Variants in CCDC171 observed in about 807,000 individuals in gnomAD.
The protein encoded by CCDC171 is coiled-coil domain-containing protein 171.
CCDC171 carries 177 observed loss-of-function variants against 168.2 expected under a neutral mutation model. The ratio of observed to expected loss-of-function variants is 1.05; its 90% CI spans 0.93 to 1.19. The LOEUF (loss-of-function observed/expected upper bound fraction) is 1.19. Among genes scored for constraint, CCDC171 ranks in the 50% most tolerant of loss-of-function variants. The pLI is 0.00. For synonymous variants in CCDC171, 687 were observed against 540.8 expected, an observed-to-expected ratio of 1.27 and a Z score of -3.75; for missense variants, 1,991 against 1,539.0, an observed-to-expected ratio of 1.29 and a Z score of -4.91.
intron 11 of CCDC171, among the ~76,000 whole-genome samples, chr9:15,696,570 T>A (rs1464425918): frequency 6.6e-6 from 1 of 152,204 alleles, no homozygotes. Flanking sequence ...GCACTGGTAC[T>A]TTTTTATTAT....
intron 24 of CCDC171, among the ~76,000 whole-genome samples, chr9:15,884,606 G>C (rs1390350352): frequency 1.3e-5 from 2 of 152,056 alleles, no homozygotes; most frequent in Non-Finnish European, 2.9e-5. Flanking sequence ...GGTAGTATTA[G>C]AAAAAGCTTG....
Position 15,603,045 on chromosome 9 carries a change from G to T in CCDC171, c.675+8873G>T, listed in dbSNP as rs535693686. Among the ~76,000 whole-genome samples, 12 of 151,750 alleles carry T rather than the reference G, an allele frequency of 7.9e-5. No individual in the cohort carries two copies. The East Asian group carries it at 2.3e-3, about 30-fold the overall frequency. ...CACCCAGATTGGAGTGCAGTGGCGC[G>T]ATCTTGGCTCACTGCAACCTCCACC... is the stretch of plus-strand genomic sequence containing the variant. On this transcript the variant is annotated intron_variant, in intron 6 of 25. Coordinates refer to ENST00000380701, the MANE Select transcript of CCDC171 (RefSeq NM_173550.4).
intron 24 of CCDC171, 82 bp from the exon 25 acceptor site, chr9:15,920,188 G>A (rs1260103344): frequency 7.4e-6 from 6 of 809,912 alleles, no homozygotes; most frequent in Non-Finnish European, 1.1e-5. Flanking sequence ...AAATTTTAAT[G>A]GTTTTGCTTT....
chr9:15,958,516 G>GTATTATATTATATTATATTA (rs59603926), intron 25 of CCDC171, among the ~76,000 whole-genome samples: 2,473 of 136,604 alleles, frequency 0.018, 56 homozygotes, highest in African/African-American at 0.043. Flanking sequence ...CGGAGGTGAG[G>GTATTATATTATATTATATTA]TATTATATTA....
chr9:16,029,591 A>C (rs1467983309), intron 6 of CCDC171, among the ~76,000 whole-genome samples: 1 of 152,210 alleles, frequency 6.6e-6, no homozygotes, highest in Non-Finnish European at 1.5e-5. Flanking sequence ...TAGACTCTTA[A>C]AGCCAATATC....
At chr9:15,769,514 C>T (rs768914686) in intron 18 of CCDC171, among the ~76,000 whole-genome samples, 10 of 152,154 alleles carry the variant, frequency 6.6e-5, no homozygotes, top group African/African-American at 9.7e-5. Context: ...TGAATGGTAA[C>T]GATAGACCAT....
intron 21 of CCDC171, among the ~76,000 whole-genome samples, chr9:15,799,984 A>AT (rs1259520354): frequency 2.0e-5 from 3 of 152,122 alleles, no homozygotes; most frequent in Non-Finnish European, 4.4e-5. Context: ...GTAATACTCT[A>AT]TTGTGTATAA....
chr9:15,762,943 A>G (rs1039583007), intron 18 of CCDC171, among the ~76,000 whole-genome samples: 1 of 152,114 alleles, frequency 6.6e-6, no homozygotes, highest in African/African-American at 2.4e-5. Flanking sequence ...ACAGTTCCCA[A>G]AGGCTGTCCT....
At chr9:15,942,318 T>A (rs1827821128) in intron 25 of CCDC171, among the ~76,000 whole-genome samples, 1 of 151,982 alleles carries the variant, frequency 6.6e-6, no homozygotes, top group African/African-American at 2.4e-5. Flanking sequence ...AGTTCAGATA[T>A]CAAAAAGCAA....
chr9:16,028,896 T>TTTCC (rs1381437534), intron 6 of CCDC171, among the ~76,000 whole-genome samples: 2 of 152,158 alleles, frequency 1.3e-5, no homozygotes, highest in African/African-American at 2.4e-5. Flanking sequence ...ACCAACCTTC[T>TTTCC]TTCCTTCCTT....
intron 4 of CCDC171, among the ~76,000 whole-genome samples, chr9:15,582,929 T>TAA (rs556128674): frequency 1.5e-5 from 2 of 131,856 alleles, no homozygotes; most frequent in Non-Finnish European, 3.3e-5. Context: ...CTTAAAGTAT[T>TAA]AAAAAAAAAA....
At chr9:16,086,567 A>G in the CCDC171 span, among the ~76,000 whole-genome samples, 18 of 152,172 alleles carry the variant, frequency 1.2e-4, no homozygotes, top group South Asian at 2.9e-3. Flanking sequence ...CAGCCTCCCT[A>G]TCATTTTTTA....
At chr9:15,756,304 A>G (rs995367856) in intron 18 of CCDC171, among the ~76,000 whole-genome samples, 21 of 152,236 alleles carry the variant, frequency 1.4e-4, no homozygotes, top group African/African-American at 5.1e-4. Flanking sequence ...GAATTAGAAA[A>G]GAATAAAAAT....
At chr9:15,570,517 C>CT (rs1309377048) in intron 2 of CCDC171, among the ~76,000 whole-genome samples, 3 of 151,998 alleles carry the variant, frequency 2.0e-5, no homozygotes, top group African/African-American at 7.3e-5. Context: ...TGATTGTTGG[C>CT]TGTCTGCTTA....
At chr9:15,782,109 T>C (rs2057697413) in intron 20 of CCDC171, among the ~76,000 whole-genome samples, 1 of 152,124 alleles carries the variant, frequency 6.6e-6, no homozygotes, top group South Asian at 2.1e-4. Context: ...TCTAAGAAAA[T>C]TGGAGAGAGT....
At chr9:15,966,790 C>G (rs1426544381) in intron 25 of CCDC171, among the ~76,000 whole-genome samples, 1 of 152,048 alleles carries the variant, frequency 6.6e-6, no homozygotes, top group Non-Finnish European at 1.5e-5. Context: ...GAGAAGAATG[C>G]ATAAAATATT....
At chr9:15,559,620 G>A (rs1012442133) in intron 1 of CCDC171, among the ~76,000 whole-genome samples, 1 of 151,988 alleles carries the variant, frequency 6.6e-6, no homozygotes, top group African/African-American at 2.4e-5. Context: ...TTAAGCCTAT[G>A]TGTGTCTCTG....
At chr9:16,010,470 C>T (rs1832839381) in intron 3 of CCDC171, among the ~76,000 whole-genome samples, 1 of 152,036 alleles carries the variant, frequency 6.6e-6, no homozygotes, top group South Asian at 2.1e-4. Flanking sequence ...CCATATGTGT[C>T]TCTCTGGAAT....
chr9:16,034,636 C>A (rs1221100894), intron 6 of CCDC171, among the ~76,000 whole-genome samples: 1 of 152,164 alleles, frequency 6.6e-6, no homozygotes, highest in East Asian at 1.9e-4. Context: ...TAGTTCTGTC[C>A]ATCAGAATGG....
Sources: allele counts gnomAD v4.1 joint callset (sites outside exome capture counted in the v4.1 genomes callset), GRCh38; gene constraint gnomAD v4.1.1; transcripts MANE v1.5; gene names NCBI Gene and HGNC (gene_info 2026-07-23, HGNC 2026-07-21).